SCMH1: variants seen among roughly 807,000 people sequenced by gnomAD.
SCMH1 encodes the protein polycomb protein SCMH1.
Under a neutral mutation model 70.8 loss-of-function variants are expected in SCMH1, and 37 were observed. The observed-to-expected ratio is 0.52, with a 90% CI of 0.40 to 0.69. The LOEUF (loss-of-function observed/expected upper bound fraction) is 0.69, where lower values mean the gene tolerates loss of function less well. Ranked by LOEUF, SCMH1 falls within the 30% of genes least tolerant of loss-of-function variation. The probability of loss-of-function intolerance (pLI) is 0.00; values close to 1 mark genes in which losing one functional copy is unlikely to be tolerated. For missense variants in SCMH1, 607 were observed against 827.3 expected (o/e 0.73, Z 3.27); for synonymous variants, 292 against 307.4 (o/e 0.95, Z 0.52).
At chr1:41,106,451 C>T (rs76311861) in intron 8 of SCMH1, among the ~76,000 whole-genome samples, 3,997 of 151,806 alleles carry the variant, frequency 0.026, 74 homozygotes, top group Middle Eastern at 0.055. Context: ...TATGCAGCAC[C>T]GTGTTTATAC....
At chr1:41,204,928 T>G (rs1160858703) in intron 1 of SCMH1, among the ~76,000 whole-genome samples, 2 of 152,088 alleles carry the variant, frequency 1.3e-5, no homozygotes, top group Non-Finnish European at 2.9e-5. Context: ...GGCACAAAAC[T>G]AAAAAATTAT....
chr1:41,174,750 T>C (rs930931303), intron 2 of SCMH1, among the ~76,000 whole-genome samples: 2 of 152,250 alleles, frequency 1.3e-5, no homozygotes, highest in Admixed American at 6.5e-5. Flanking sequence ...ATATCTTTGC[T>C]TTCTTTCCTG....
chr1:41,065,722 T>C (rs761290378), intron 10 of SCMH1, among the ~76,000 whole-genome samples: 2 of 151,406 alleles, frequency 1.3e-5, no homozygotes, highest in Non-Finnish European at 2.9e-5. Context: ...AAATAGAGAG[T>C]CTTTTCAACA....
chr1:41,034,785 G>C (rs1290990889), intron 13 of SCMH1, among the ~76,000 whole-genome samples: 1 of 152,190 alleles, frequency 6.6e-6, no homozygotes, highest in Non-Finnish European at 1.5e-5. Context: ...TCCTATGAAA[G>C]CTCATGTTCT....
At chr1:41,052,793 C>T (rs1648688518) in intron 10 of SCMH1, among the ~76,000 whole-genome samples, 1 of 151,938 alleles carries the variant, frequency 6.6e-6, no homozygotes, top group South Asian at 2.1e-4. Context: ...TAAAAATCAG[C>T]ATAAAGGTGG....
At chr1:41,116,678 C>G (rs1295097288) in intron 7 of SCMH1, among the ~76,000 whole-genome samples, 1 of 152,134 alleles carries the variant, frequency 6.6e-6, no homozygotes, top group African/African-American at 2.4e-5. Context: ...TACATTTTAA[C>G]TTCTTAACAA....
At chr1:41,060,079 G>A (rs1652055158) in intron 10 of SCMH1, among the ~76,000 whole-genome samples, 1 of 151,318 alleles carries the variant, frequency 6.6e-6, no homozygotes, top group African/African-American at 2.4e-5. Context: ...TATATATAAT[G>A]GTGATACTAG....
intron 5 of SCMH1, among the ~76,000 whole-genome samples, chr1:41,150,343 A>T (rs903183757): frequency 6.6e-5 from 10 of 152,022 alleles, no homozygotes; most frequent in African/African-American, 2.4e-4. Context: ...TCTCTACTAA[A>T]AGTACAAAAA....
intron 8 of SCMH1, among the ~76,000 whole-genome samples, chr1:41,085,908 T>C (rs1661506730): frequency 7.0e-6 from 1 of 143,208 alleles, no homozygotes; most frequent in Non-Finnish European, 1.5e-5. Flanking sequence ...TGGCGTGAAC[T>C]CGGCTCACTG....
At chr1:41,146,277 GTAT>G (rs955165296) in intron 5 of SCMH1, among the ~76,000 whole-genome samples, 19 of 151,894 alleles carry the variant, frequency 1.3e-4, no homozygotes, top group African/African-American at 3.6e-4. Flanking sequence ...TTCAAGCTAA[GTAT>G]TATTATAAGA....
chr1:41,185,513 A>G (rs151055915), intron 2 of SCMH1, among the ~76,000 whole-genome samples: 39 of 152,296 alleles, frequency 2.6e-4, no homozygotes, highest in African/African-American at 9.4e-4. Context: ...AAATGTGGCT[A>G]CTACAAAACT....
chr1:41,181,961 AAT>A (rs1356279149), intron 2 of SCMH1, among the ~76,000 whole-genome samples: 1 of 152,208 alleles, frequency 6.6e-6, no homozygotes, highest in Non-Finnish European at 1.5e-5. Flanking sequence ...AATGTCCATC[AAT>A]GATAGACTGG....
chr1:41,172,210 CA>C (rs1646836454), intron 2 of SCMH1, among the ~76,000 whole-genome samples: 1 of 147,790 alleles, frequency 6.8e-6, no homozygotes, highest in South Asian at 2.1e-4. Flanking sequence ...AACGCTGTAC[CA>C]AAAAATTCTT....
chr1:41,094,345 CATTGCT>C (rs1664496113), intron 8 of SCMH1, among the ~76,000 whole-genome samples: 1 of 152,030 alleles, frequency 6.6e-6, no homozygotes. Context: ...TTTTACTTAC[CATTGCT>C]TTTATACCAA....
rs1177506677 is a variant in SCMH1, at chr1:41,054,066, G to C, written c.1106-5176C>G. Among the ~76,000 whole-genome samples, 8 of 151,992 alleles carry C rather than the reference G, an allele frequency of 5.3e-5. No homozygotes were observed. The East Asian group carries it at 1.5e-3, about 29-fold the overall frequency. ...TCACCGTGTTAGCCAGGATGGTCTC[G>C]ATCTCCTGACCTCATGATCCGCCTG... On this transcript the variant is annotated intron_variant, in intron 10 of 14. Transcript: ENST00000337495.
chr1:41,154,906 C>T (rs1047657913), intron 4 of SCMH1, among the ~76,000 whole-genome samples: 4 of 151,940 alleles, frequency 2.6e-5, no homozygotes, highest in Admixed American at 6.6e-5. Context: ...GACAGGGGTC[C>T]CTGCCCTCAT....
chr1:41,052,163 T>C (rs1019881661), intron 10 of SCMH1, among the ~76,000 whole-genome samples: 2 of 152,172 alleles, frequency 1.3e-5, no homozygotes, highest in African/African-American at 4.8e-5. Context: ...CCATCTAGGT[T>C]TGAGTAAGTA....
chr1:41,122,808 T>A (rs1027213731), intron 6 of SCMH1, among the ~76,000 whole-genome samples: 4 of 152,188 alleles, frequency 2.6e-5, no homozygotes, highest in Non-Finnish European at 4.4e-5. Context: ...ATTCATTTTT[T>A]AAAACTTCAT....
intron 10 of SCMH1, among the ~76,000 whole-genome samples, chr1:41,063,953 G>A (rs1653697515): frequency 6.6e-6 from 1 of 152,040 alleles, no homozygotes; most frequent in Admixed American, 6.6e-5. Flanking sequence ...AGAAGCAGAA[G>A]GAATATTTTC....
Sources: allele counts gnomAD v4.1 joint callset (sites outside exome capture counted in the v4.1 genomes callset), GRCh38; gene constraint gnomAD v4.1.1; transcripts MANE v1.5; gene names NCBI Gene and HGNC (gene_info 2026-07-23, HGNC 2026-07-21).